Variants in MACROD2 observed in about 807,000 individuals in gnomAD.
MACROD2 encodes the protein mono-ADP ribosylhydrolase 2.
MACROD2 carries 36 observed loss-of-function variants against 70.4 expected under a neutral mutation model. The observed-to-expected ratio is 0.51, with a 90% CI of 0.39 to 0.68. The LOEUF (loss-of-function observed/expected upper bound fraction) is 0.68. Among genes scored for constraint, MACROD2 ranks in the 30% least tolerant of loss-of-function variants. MACROD2 has a pLI of 0.00. For missense variants in MACROD2, 496 were observed against 538.4 expected (o/e 0.92, Z 0.78); for synonymous variants, 172 against 178.8 (o/e 0.96, Z 0.30).
In MACROD2 at chr20:14,401,055, C is replaced by T. The variant is rs554856186; in HGVS notation, c.272-92424C>T. Among the ~76,000 whole-genome samples the T allele has an allele frequency of 2.9e-3, 449 of 152,272 alleles. 1 individual carries two copies. The highest frequency in any genetic ancestry group is 5.0e-3 in the Non-Finnish European group (343 of 68,014). On this transcript the variant is annotated intron_variant, in intron 3 of 17. Transcript: ENST00000684519. ...TTGAAGTGGCTGGTCAATTTAAACT[C>T]TTGCCTAATTCTATCAAAAACTAAT...
At chr20:14,018,644 G>C (rs575291146) in intron 2 of MACROD2, among the ~76,000 whole-genome samples, 24 of 151,840 alleles carry the variant, frequency 1.6e-4, no homozygotes, top group Non-Finnish European at 2.9e-4. Context: ...ATTCTTTTTA[G>C]CTCCAGAGTT....
chr20:14,023,034 C>T (rs1006241118), intron 2 of MACROD2, among the ~76,000 whole-genome samples: 4 of 151,482 alleles, frequency 2.6e-5, no homozygotes, highest in African/African-American at 9.7e-5. Flanking sequence ...ATGTAAAAGT[C>T]TTCCTATTTC....
intron 5 of MACROD2, among the ~76,000 whole-genome samples, chr20:14,991,834 G>T (rs983771432): frequency 6.6e-6 from 1 of 152,138 alleles, no homozygotes; most frequent in South Asian, 2.1e-4. Flanking sequence ...AATGCTCCAG[G>T]TCTACAGGTA....
chr20:14,069,905 A>T (rs1424054367), intron 2 of MACROD2, among the ~76,000 whole-genome samples: 1 of 151,824 alleles, frequency 6.6e-6, no homozygotes, highest in Non-Finnish European at 1.5e-5. Context: ...TTATCACGCA[A>T]AGCCCTGGCT....
intron 5 of MACROD2, among the ~76,000 whole-genome samples, chr20:14,790,998 A>G (rs970616096): frequency 6.6e-6 from 1 of 152,072 alleles, no homozygotes; most frequent in African/African-American, 2.4e-5. Context: ...TCTCAGCTGC[A>G]GGTTTACTCA....
intron 8 of MACROD2, among the ~76,000 whole-genome samples, chr20:15,807,478 A>T (rs1266510451): frequency 6.6e-6 from 1 of 152,192 alleles, no homozygotes. Flanking sequence ...CGAGTTGAAG[A>T]TATAAGCCTG....
At chr20:14,869,050 A>G (rs1441818812) in intron 5 of MACROD2, among the ~76,000 whole-genome samples, 2 of 152,176 alleles carry the variant, frequency 1.3e-5, no homozygotes, top group African/African-American at 4.8e-5. Flanking sequence ...AGGTCACAAC[A>G]GAGCACCAAA....
intron 5 of MACROD2, among the ~76,000 whole-genome samples, chr20:14,694,540 T>G (rs1433607645): frequency 6.6e-6 from 1 of 152,190 alleles, no homozygotes; most frequent in Non-Finnish European, 1.5e-5. Context: ...TGAATGTATT[T>G]TTAAAATAAA....
intron 2 of MACROD2, among the ~76,000 whole-genome samples, chr20:14,018,061 A>G (rs1395230220): frequency 6.6e-6 from 1 of 152,072 alleles, no homozygotes; most frequent in Non-Finnish European, 1.5e-5. Flanking sequence ...TATCTAGGTG[A>G]TCCAACTTTT....
chr20:15,998,959 AT>A (rs2066671532), intron 15 of MACROD2, among the ~76,000 whole-genome samples: 1 of 151,758 alleles, frequency 6.6e-6, no homozygotes, highest in East Asian at 1.9e-4. Flanking sequence ...TTGTTTTTCT[AT>A]TCTCTATTTC....
chr20:14,809,171 C>T (rs371844804), intron 5 of MACROD2, among the ~76,000 whole-genome samples: 43 of 152,114 alleles, frequency 2.8e-4, no homozygotes, highest in African/African-American at 8.7e-4. Flanking sequence ...TAAAATCAAC[C>T]GCATAATTGG....
chr20:15,778,459 A>G (rs2051770380), intron 8 of MACROD2, among the ~76,000 whole-genome samples: 1 of 152,160 alleles, frequency 6.6e-6, no homozygotes, highest in African/African-American at 2.4e-5. Flanking sequence ...ATAATTGTAC[A>G]TCTTTCTGAA....
intron 5 of MACROD2, among the ~76,000 whole-genome samples, chr20:14,747,039 A>G (rs1452515300): frequency 6.6e-6 from 1 of 152,232 alleles, no homozygotes; most frequent in African/African-American, 2.4e-5. Context: ...AATAGCCCAC[A>G]GAAGCCAACT....
chr20:15,640,034 A>G (rs2049433641), intron 8 of MACROD2, among the ~76,000 whole-genome samples: 1 of 149,392 alleles, frequency 6.7e-6, no homozygotes. Context: ...GGAGAGAGAA[A>G]AGGGGTGAGA....
chr20:14,720,310 G>C (rs1324659413), intron 5 of MACROD2, among the ~76,000 whole-genome samples: 2 of 151,984 alleles, frequency 1.3e-5, no homozygotes, highest in African/African-American at 4.8e-5. Context: ...TTTTGTTAAA[G>C]GAAGCAGGTA....
At chr20:14,501,856 A>T (rs1302101830) in intron 4 of MACROD2, among the ~76,000 whole-genome samples, 7 of 152,194 alleles carry the variant, frequency 4.6e-5, no homozygotes, top group Admixed American at 6.5e-5. Flanking sequence ...AAATGGTTGG[A>T]AGTTCAGATA....
intron 6 of MACROD2, among the ~76,000 whole-genome samples, chr20:15,266,036 G>A (rs2077291368): frequency 1.3e-5 from 2 of 152,180 alleles, no homozygotes; most frequent in Non-Finnish European, 2.9e-5. Flanking sequence ...CAATATGATC[G>A]GGTTTCAAAA....
At chr20:15,663,408 G>A (rs549080252) in intron 8 of MACROD2, among the ~76,000 whole-genome samples, 1 of 151,862 alleles carries the variant, frequency 6.6e-6, no homozygotes, top group Non-Finnish European at 1.5e-5. Context: ...CTAATTTTTT[G>A]TATTTTTAGT....
At chr20:14,757,819 G>A (rs983067770) in intron 5 of MACROD2, 20 of 1,530,268 alleles carry the variant, frequency 1.3e-5, no homozygotes, top group Admixed American at 3.4e-5. Flanking sequence ...ATCTGCCCCC[G>A]GAGATTGTGC....
Sources: gnomAD v4.1 joint callset for allele counts (sites outside exome capture counted in the v4.1 genomes callset) on GRCh38, gnomAD v4.1.1 for gene constraint, MANE v1.5 for transcripts, NCBI Gene and HGNC (gene_info 2026-07-23, HGNC 2026-07-21) for gene names.